The following TRHDE variants were observed in gnomAD, a reference collection of about 807,000 sequenced individuals.
The protein encoded by TRHDE is thyrotropin-releasing hormone-degrading ectoenzyme.
TRHDE carries 72 observed loss-of-function variants against 125.7 expected under a neutral mutation model. The observed-to-expected ratio is 0.57, with a 90% CI of 0.47 to 0.70. The LOEUF (loss-of-function observed/expected upper bound fraction) is 0.70, where lower values mean the gene tolerates loss of function less well. Among genes scored for constraint, TRHDE ranks in the 30% least tolerant of loss-of-function variants. The pLI is 0.00. For missense variants in TRHDE, 1,110 were observed against 1,327.1 expected (o/e 0.84, Z 2.54); for synonymous variants, 509 against 509.1 (o/e 1.00, Z 0.00).
intron 2 of TRHDE, among the ~76,000 whole-genome samples, chr12:72,365,348 A>T (rs911982941): frequency 6.6e-6 from 1 of 152,068 alleles, no homozygotes; most frequent in Admixed American, 6.6e-5. Context: ...ATATGATTCA[A>T]CTGTAAGTGT....
chr12:72,463,889 A>G (rs1026376008), intron 3 of TRHDE, among the ~76,000 whole-genome samples: 10 of 152,220 alleles, frequency 6.6e-5, no homozygotes, highest in African/African-American at 2.4e-4. Flanking sequence ...GATTTCAGTT[A>G]GTATGTACTA....
intron 12 of TRHDE, among the ~76,000 whole-genome samples, chr12:72,597,435 A>C (rs1871988831): frequency 2.0e-5 from 3 of 151,972 alleles, no homozygotes. Flanking sequence ...TGGGAGGCTG[A>C]GGCAGGCAGA....
At chr12:72,548,868 TAAAG>T (rs1026456824) in intron 7 of TRHDE, among the ~76,000 whole-genome samples, 2 of 151,790 alleles carry the variant, frequency 1.3e-5, no homozygotes, top group African/African-American at 4.8e-5. Flanking sequence ...ATTGAAATTA[TAAAG>T]AAAGATCATT....
Position 72,562,202 on chromosome 12 carries a change from G to A in TRHDE, c.1826G>A (p.Arg609Lys). Reference protein sequence around the residue: ...LTIHKYGNAARNDLWNTLSEA... With the variant: ...LTIHKYGNAAKNDLWNTLSEA... ...ATTCATAAGTATGGTAATGCAGCCA[G>A]AAATGATCTCTGGAATACATTATCG... The change falls in exon 8 of 19, where the codon AGA (arginine) becomes AAA (lysine). Residue 609 changes from arginine to lysine, a missense_variant. Coordinates refer to ENST00000261180, the MANE Select transcript of TRHDE (RefSeq NM_013381.3). The A allele has an allele frequency of 1.9e-6, 3 of 1,563,174 alleles. No individual in the cohort carries two copies. Among genetic ancestry groups the A allele is most frequent in the Non-Finnish European group, 1.8e-6 (2 of 1,139,032 alleles).
intron 3 of TRHDE, among the ~76,000 whole-genome samples, chr12:72,420,359 G>C (rs1166257691): frequency 2.0e-5 from 3 of 152,140 alleles, no homozygotes; most frequent in African/African-American, 7.2e-5. Context: ...TGATGGTTAG[G>C]AGCTGAGGAA....
intron 2 of TRHDE, among the ~76,000 whole-genome samples, chr12:72,157,190 C>A (rs1876533879): frequency 6.6e-6 from 1 of 151,588 alleles, no homozygotes; most frequent in African/African-American, 2.4e-5. Flanking sequence ...TCACTGCAAC[C>A]TTAAATGATG....
At chr12:72,445,892 T>C (rs922884122) in intron 3 of TRHDE, among the ~76,000 whole-genome samples, 7 of 151,972 alleles carry the variant, frequency 4.6e-5, no homozygotes, top group African/African-American at 1.7e-4. Context: ...TAGAATTATC[T>C]GGCAACACTG....
intron 2 of TRHDE, among the ~76,000 whole-genome samples, chr12:72,174,979 A>C (rs1303568670): frequency 6.6e-6 from 1 of 152,196 alleles, no homozygotes. Flanking sequence ...GCTTTTCAAA[A>C]AATTTTATTT....
Position 72,484,679 on chromosome 12 carries a change from T to C in TRHDE, c.1584+11499T>C, listed in dbSNP as rs141996370. 3.6e-4 allele frequency among the ~76,000 whole-genome samples: 55 copies of C among 152,272 alleles called. 1 individual carries two copies. The highest frequency in any genetic ancestry group is 1.3e-3 in the African/African-American group (53 of 41,560). On this transcript the variant is annotated intron_variant, in intron 5 of 18. Transcript: ENST00000261180. ...TATGTTGCTATTAGGAATGCATTCATTGAACAAAAGAAGACATTGAAATTA... is the reference window on the plus strand; with the variant it reads ...TATGTTGCTATTAGGAATGCATTCACTGAACAAAAGAAGACATTGAAATTA...
At chr12:72,574,478 G>A (rs1870896047) in intron 10 of TRHDE, among the ~76,000 whole-genome samples, 1 of 152,098 alleles carries the variant, frequency 6.6e-6, no homozygotes, top group Non-Finnish European at 1.5e-5. Context: ...TTAGAACTGT[G>A]AACTGTGTTT....
At chr12:72,473,573 C>T (rs554474585) in intron 5 of TRHDE, among the ~76,000 whole-genome samples, 27 of 151,536 alleles carry the variant, frequency 1.8e-4, no homozygotes, top group African/African-American at 6.0e-4. Context: ...CAAAAAATAC[C>T]TAAAAGATAC....
intron 3 of TRHDE, among the ~76,000 whole-genome samples, chr12:72,411,820 A>G (rs1025760901): frequency 1.3e-5 from 2 of 152,192 alleles, no homozygotes; most frequent in Non-Finnish European, 2.9e-5. Flanking sequence ...CCCAAGAAGA[A>G]ACCCACTTAT....
chr12:72,273,398 G>T lies in TRHDE; in HGVS notation c.755G>T (p.Gly252Val), dbSNP rs1268997017. 6.2e-7 allele frequency: 1 copy of T among 1,614,048 alleles called. No homozygotes were observed. Among genetic ancestry groups the T allele is most frequent in the African/African-American group, 1.3e-5 (1 of 74,930 alleles). The change falls in exon 1 of 19, where the codon GGT becomes GTT. Residue 252 changes from glycine (G) to valine (V), a missense_variant. Physicochemically the swap from Gly to Val is moderately radical, Grantham distance 109. This residue lies in a region of TRHDE where 72 missense variants were observed against 122.2 expected (regional missense o/e 0.59). Transcript: ENST00000261180. This position sits in a 1 kb window ranked among gnomAD's most constrained non-coding sequence, Gnocchi z 5.3. Reference protein sequence around the residue: ...DRAFGAVPVAGFFLYPQTQVL... With the variant: ...DRAFGAVPVAVFFLYPQTQVL... ...GCGTTCGGGGCTGTCCCTGTAGCCG[G>T]TTTTTTCCTCTACCCGCAAACCCAG...
chr12:72,449,867 C>T (rs1464816905), intron 3 of TRHDE, among the ~76,000 whole-genome samples: 3 of 151,860 alleles, frequency 2.0e-5, no homozygotes, highest in Admixed American at 2.0e-4. Flanking sequence ...ATATTACCTC[C>T]TTTTTCTCCA....
At position 72,666,875 on chromosome 12, in the gene TRHDE, T is replaced by G. The variant is rs1407228937; in HGVS notation, c.*3680T>G. ...AATTTAATTCATTTAGTTTATTAAT[T>G]ATATTTCCTGTCTGTATCTTTTATT... On this transcript the variant is annotated 3_prime_UTR_variant, in exon 19 of 19. Transcript: ENST00000261180. The G allele has an allele frequency of 1.3e-5, 2 of 152,056 alleles. No homozygotes were observed. Among genetic ancestry groups the G allele is most frequent in the Non-Finnish European group, 2.9e-5 (2 of 67,964 alleles). 9.4% of individuals were successfully genotyped at this position (152,056 alleles called of 1,614,324 possible).
chr12:72,250,864 T>TA (rs1415968314), intron 2 of TRHDE, among the ~76,000 whole-genome samples: 3 of 54,578 alleles, frequency 5.5e-5, no homozygotes, highest in African/African-American at 1.6e-4. Flanking sequence ...ATATATATAT[T>TA]TTATTTTTAT....
At chr12:72,391,189 G>GA (rs1872599220) in intron 3 of TRHDE, among the ~76,000 whole-genome samples, 1 of 152,146 alleles carries the variant, frequency 6.6e-6, no homozygotes, top group Non-Finnish European at 1.5e-5. Context: ...CGTTTTAAAT[G>GA]AAAAATGTAC....
chr12:72,146,603 G>A (rs1876232645), intron 2 of TRHDE, among the ~76,000 whole-genome samples: 1 of 152,230 alleles, frequency 6.6e-6, no homozygotes, highest in Admixed American at 6.5e-5. Flanking sequence ...AACCCCTTGA[G>A]GAAGGGGGAG....
intron 2 of TRHDE, among the ~76,000 whole-genome samples, chr12:72,151,757 C>G (rs1424616531): frequency 8.5e-5 from 13 of 152,100 alleles, no homozygotes; most frequent in Admixed American, 7.9e-4. Flanking sequence ...TGGTCTATAT[C>G]TCTGTTTTGG....
Sources: allele counts gnomAD v4.1 joint callset (sites outside exome capture counted in the v4.1 genomes callset), GRCh38; gene constraint gnomAD v4.1.1; regional missense constraint gnomAD v4.1.1; non-coding constraint Gnocchi (gnomAD v3.1); transcripts MANE v1.5; gene names NCBI Gene and HGNC (gene_info 2026-07-23, HGNC 2026-07-21).